AOAH: variants seen among roughly 807,000 people sequenced by gnomAD.
AOAH encodes the protein acyloxyacyl hydrolase.
Under a neutral mutation model 92.2 loss-of-function variants are expected in AOAH, and 64 were observed. The ratio of observed to expected loss-of-function variants is 0.69; its 90% confidence interval spans 0.57 to 0.86. AOAH has a LOEUF of 0.86. Among genes scored for constraint, AOAH ranks in the 40% least tolerant of loss-of-function variants. The pLI, the probability that AOAH is intolerant of heterozygous loss-of-function variation, is 0.00. For missense variants in AOAH, 656 were observed against 694.6 expected (o/e 0.94, Z 0.62); for synonymous variants, 263 against 254.5 (o/e 1.03, Z -0.32).
At chr7:36,713,259 A>G (rs1798895096) in intron 1 of AOAH, among the ~76,000 whole-genome samples, 1 of 152,340 alleles carries the variant, frequency 6.6e-6, no homozygotes, top group East Asian at 1.9e-4. Flanking sequence ...AAAGGGATCA[A>G]TTCAACAAGA....
intron 1 of AOAH, among the ~76,000 whole-genome samples, chr7:36,717,332 C>A (rs986050531): frequency 2.0e-5 from 3 of 152,158 alleles, no homozygotes; most frequent in African/African-American, 4.8e-5. Flanking sequence ...TATCCCCTCA[C>A]GCCATGAGCC....
At chr7:36,712,953 A>C (rs1460400194) in intron 1 of AOAH, among the ~76,000 whole-genome samples, 1 of 152,188 alleles carries the variant, frequency 6.6e-6, no homozygotes, top group Admixed American at 6.6e-5. Flanking sequence ...CTAATATCAT[A>C]ATGACAGGAT....
At chr7:36,716,283 A>C (rs1799163955) in intron 1 of AOAH, among the ~76,000 whole-genome samples, 1 of 151,704 alleles carries the variant, frequency 6.6e-6, no homozygotes, top group African/African-American at 2.4e-5. Context: ...ATACCATCTC[A>C]CACCAGTTAG....
At chr7:36,681,575 C>A (rs550987191) in intron 2 of AOAH, among the ~76,000 whole-genome samples, 1 of 152,054 alleles carries the variant, frequency 6.6e-6, no homozygotes, top group Non-Finnish European at 1.5e-5. Flanking sequence ...GAGGCCGAGG[C>A]GGGCAGATCA....
At chr7:36,574,474 C>G (rs1788351537) in intron 13 of AOAH, among the ~76,000 whole-genome samples, 1 of 152,186 alleles carries the variant, frequency 6.6e-6, no homozygotes, top group African/African-American at 2.4e-5. Flanking sequence ...TTATCTTACT[C>G]TGGTCTTTAT....
chr7:36,705,114 A>G (rs1033445906), intron 1 of AOAH, among the ~76,000 whole-genome samples: 1 of 152,216 alleles, frequency 6.6e-6, no homozygotes, highest in Non-Finnish European at 1.5e-5. Flanking sequence ...CACCACTCCT[A>G]TTCAACATAG....
intron 1 of AOAH, among the ~76,000 whole-genome samples, chr7:36,704,577 G>A (rs1032090232): frequency 6.6e-6 from 1 of 152,074 alleles, no homozygotes. Flanking sequence ...AGGAGGAGCT[G>A]GTACCATTCC....
At chr7:36,638,704 GCCTGCTA>G (rs943630600) in intron 4 of AOAH, among the ~76,000 whole-genome samples, 1 of 152,132 alleles carries the variant, frequency 6.6e-6, no homozygotes, top group Non-Finnish European at 1.5e-5. Flanking sequence ...TCCCTCCTGG[GCCTGCTA>G]CCTGTACAGC....
At chr7:36,544,789 G>T (rs1490488230) in intron 15 of AOAH, among the ~76,000 whole-genome samples, 1 of 152,158 alleles carries the variant, frequency 6.6e-6, no homozygotes, top group Non-Finnish European at 1.5e-5. Flanking sequence ...ACCCTGGCAG[G>T]TAAGCCAGCC....
chr7:36,662,594 C>A (rs1239763023), intron 3 of AOAH, among the ~76,000 whole-genome samples: 1 of 152,140 alleles, frequency 6.6e-6, no homozygotes, highest in African/African-American at 2.4e-5. Context: ...TTAGTGGACT[C>A]GAGAGTGATA....
chr7:36,670,399 C>T (rs1232914054), intron 3 of AOAH, among the ~76,000 whole-genome samples: 1 of 152,190 alleles, frequency 6.6e-6, no homozygotes, highest in African/African-American at 2.4e-5. Flanking sequence ...TGGACAGAAC[C>T]ACGAAGGTGG....
chr7:36,530,585 A>G (rs1033105774), intron 18 of AOAH, 71 bp from the exon 19 acceptor site: 1 of 1,032,026 alleles, frequency 9.7e-7, no homozygotes, highest in Admixed American at 1.8e-5. Context: ...ATTCAGGCAG[A>G]ACAAAGAAAT....
At chr7:36,610,316 G>A (rs967571807) in intron 11 of AOAH, among the ~76,000 whole-genome samples, 2 of 151,844 alleles carry the variant, frequency 1.3e-5, no homozygotes, top group Admixed American at 6.6e-5. Context: ...CTTATGAATT[G>A]AATAAAAGAA....
chr7:36,517,212 T>TTCTTTCTTTCTGTCTCTCTCTCTCTC (rs1474223898), intron 20 of AOAH, among the ~76,000 whole-genome samples: 3 of 21,120 alleles, frequency 1.4e-4, no homozygotes, highest in Non-Finnish European at 2.6e-4. Context: ...CTTTCTTTCT[T>TTCTTTCTTTCTGTCTCTCTCTCTCTC]TCTCTTTCTT....
At chr7:36,698,150 T>C (rs546837127) in intron 1 of AOAH, among the ~76,000 whole-genome samples, 3 of 152,230 alleles carry the variant, frequency 2.0e-5, no homozygotes, top group African/African-American at 7.2e-5. Flanking sequence ...TTTCTATTTT[T>C]TCTTAAATCA....
At chr7:36,636,099 C>T (rs778450429) in intron 5 of AOAH, among the ~76,000 whole-genome samples, 9 of 152,214 alleles carry the variant, frequency 5.9e-5, no homozygotes, top group Non-Finnish European at 1.2e-4. Context: ...CTTTCTGTAC[C>T]CTGGCCAGGT....
At chr7:36,650,135 GCGGCCCACCACCGTCT>G (rs1794487226) in intron 4 of AOAH, among the ~76,000 whole-genome samples, 1 of 148,494 alleles carries the variant, frequency 6.7e-6, no homozygotes, top group African/African-American at 2.6e-5. Context: ...CGTCTTGGAA[GCGGCCCACCACCGTCT>G]TGGAAGTGGC....
chr7:36,515,691 ACATAATCACACACC>A (rs1783621135), intron 20 of AOAH, among the ~76,000 whole-genome samples: 1 of 94,148 alleles, frequency 1.1e-5, no homozygotes, highest in Non-Finnish European at 1.9e-5. Context: ...CACCACACAC[ACATAATCACACACC>A]CCCCCACACA....
intron 6 of AOAH, among the ~76,000 whole-genome samples, chr7:36,625,789 T>C (rs1279385346): frequency 6.6e-6 from 1 of 152,098 alleles, no homozygotes; most frequent in Non-Finnish European, 1.5e-5. Context: ...GCTTCCCGAG[T>C]GGGCTCAGAG....
Sources: allele counts gnomAD v4.1 joint callset (sites outside exome capture counted in the v4.1 genomes callset), GRCh38; gene constraint gnomAD v4.1.1; transcripts MANE v1.5; gene names NCBI Gene and HGNC (gene_info 2026-07-23, HGNC 2026-07-21).